Variants in FRK observed in about 807,000 individuals in gnomAD.
FRK encodes tyrosine-protein kinase FRK.
FRK carries 51 observed loss-of-function variants against 56.4 expected under a neutral mutation model. That is an observed-to-expected ratio of 0.90 (90% CI 0.72 to 1.14). The LOEUF (loss-of-function observed/expected upper bound fraction) is 1.14. Among genes scored for constraint, FRK ranks in the 50% most tolerant of loss-of-function variants. The pLI is 0.00. For synonymous variants in FRK, 245 were observed against 217.9 expected (o/e 1.12, Z -1.10); for missense variants, 570 against 601.4 (o/e 0.95, Z 0.55).
intron 7 of FRK, 91 bp from the exon 8 acceptor site, chr6:115,942,716 T>A: frequency 9.1e-7 from 1 of 1,102,978 alleles, no homozygotes; most frequent in Non-Finnish European, 1.3e-6. Context: ...TCTAGGTTAC[T>A]AAGTAAGTCA....
At chr6:116,018,760 A>ATACAAAGAG (rs1397967239) in intron 1 of FRK, among the ~76,000 whole-genome samples, 1 of 152,222 alleles carries the variant, frequency 6.6e-6, no homozygotes, top group Non-Finnish European at 1.5e-5. Flanking sequence ...TGATACAAAG[A>ATACAAAGAG]CATTTCCACC....
chr6:115,971,245 T>C (rs909075996), intron 2 of FRK, among the ~76,000 whole-genome samples: 2 of 152,204 alleles, frequency 1.3e-5, no homozygotes, highest in Non-Finnish European at 2.9e-5. Flanking sequence ...TACCTAATTT[T>C]CACCCTGGGT....
the FRK span, among the ~76,000 whole-genome samples, chr6:116,075,359 G>A: frequency 6.6e-6 from 1 of 151,516 alleles, no homozygotes; most frequent in South Asian, 2.1e-4. Flanking sequence ...TGAGTTAATA[G>A]GTATAAAAGG....
intron 5 of FRK, among the ~76,000 whole-genome samples, chr6:115,944,731 CTTTTA>C (rs1772355365): frequency 1.3e-5 from 2 of 151,894 alleles, no homozygotes; most frequent in Admixed American, 6.6e-5. Context: ...ATTTATTTAT[CTTTTA>C]TTTTAAGTTC....
At chr6:115,969,709 T>G (rs937498861) in intron 2 of FRK, among the ~76,000 whole-genome samples, 2 of 152,130 alleles carry the variant, frequency 1.3e-5, no homozygotes, top group Non-Finnish European at 2.9e-5. Context: ...GATGGGAGTT[T>G]GGAGCTATTG....
chr6:116,096,866 G>A, the FRK span, among the ~76,000 whole-genome samples: 1 of 152,192 alleles, frequency 6.6e-6, no homozygotes, highest in Non-Finnish European at 1.5e-5. Flanking sequence ...CCACCTTTAA[G>A]AGCTGTAACA....
At chr6:116,037,131 C>A (rs1324901356) in intron 1 of FRK, among the ~76,000 whole-genome samples, 2 of 152,170 alleles carry the variant, frequency 1.3e-5, no homozygotes, top group Non-Finnish European at 2.9e-5. Context: ...CTCTAATACC[C>A]TACAGAAGCC....
intron 2 of FRK, among the ~76,000 whole-genome samples, chr6:115,978,095 T>C (rs550302049): frequency 6.6e-6 from 1 of 152,308 alleles, no homozygotes; most frequent in East Asian, 1.9e-4. Context: ...CTTGGGACTC[T>C]AACTCCTCAC....
At chr6:116,083,697 C>T in the FRK span, among the ~76,000 whole-genome samples, 1 of 152,184 alleles carries the variant, frequency 6.6e-6, no homozygotes, top group Non-Finnish European at 1.5e-5. Context: ...GGTACTACTG[C>T]TAGGAACCAC....
At chr6:116,060,953 T>C (rs1325531372), upstream of FRK, among the ~76,000 whole-genome samples, 1 of 152,216 alleles carries the variant, frequency 6.6e-6, no homozygotes, top group East Asian at 1.9e-4. Flanking sequence ...TTCTGACCTC[T>C]TTACCCCTCC....
rs969547843 is a variant in FRK at position 115,973,922 on chromosome 6, C to T, written c.467-5183G>A. Among the ~76,000 whole-genome samples the T allele has an allele frequency of 3.4e-5, 5 of 149,238 alleles. No homozygotes were observed. The East Asian group carries it at 9.7e-4, about 29-fold the overall frequency. On this transcript the variant is annotated intron_variant, in intron 2 of 7. Transcript: ENST00000606080. ...AGTCAAAGACAGCTGTAAACAATAT[C>T]ATGTTAGTCCCAATTCATTTCTCCA...
At chr6:116,019,600 G>C (rs1775786387) in intron 1 of FRK, among the ~76,000 whole-genome samples, 1 of 152,212 alleles carries the variant, frequency 6.6e-6, no homozygotes, top group Non-Finnish European at 1.5e-5. Context: ...CTTGGGGATA[G>C]TCAGAGCAAG....
the FRK span, among the ~76,000 whole-genome samples, chr6:116,075,112 T>C: frequency 6.6e-6 from 1 of 152,148 alleles, no homozygotes; most frequent in Middle Eastern, 3.2e-3. Flanking sequence ...CTTGTTGAAC[T>C]CTTCTCTCCT....
In FRK at chr6:116,060,437, G is replaced by T; in HGVS notation, c.-126C>A. 2 of 702,658 alleles carry T rather than the reference G, an allele frequency of 2.8e-6. No homozygotes were observed. Among genetic ancestry groups the T allele is most frequent in the South Asian group, 3.7e-5 (2 of 53,734 alleles). The allele number at this position is 702,658 out of a possible 1,614,324, so 43.5% of individuals were successfully genotyped here. Reference sequence around the variant, plus strand: ...CAACTCACCATACTTCGGAGAGTATGCAAAGTCCCGTTTCAGATCAGTCCA... The same window carrying T: ...CAACTCACCATACTTCGGAGAGTATTCAAAGTCCCGTTTCAGATCAGTCCA... On this transcript the variant is annotated 5_prime_UTR_variant, in exon 1 of 8. Transcript: ENST00000606080.
intron 1 of FRK, among the ~76,000 whole-genome samples, chr6:116,024,769 G>A (rs2114745132): frequency 6.6e-6 from 1 of 152,150 alleles, no homozygotes; most frequent in East Asian, 1.9e-4. Flanking sequence ...ATAGTCCTTT[G>A]GGTATATACC....
intron 1 of FRK, among the ~76,000 whole-genome samples, chr6:116,050,199 C>T (rs73772214): frequency 7.9e-5 from 12 of 151,938 alleles, no homozygotes; most frequent in African/African-American, 2.4e-4. Context: ...CAACTTCAGA[C>T]GAGGCTACAC....
At chr6:115,996,046 C>T (rs1301342941) in intron 2 of FRK, among the ~76,000 whole-genome samples, 2 of 152,130 alleles carry the variant, frequency 1.3e-5, no homozygotes, top group East Asian at 3.8e-4. Context: ...CTTTCTGCAG[C>T]ATGTGCACTT....
the FRK span, among the ~76,000 whole-genome samples, chr6:116,094,341 G>A: frequency 1.3e-5 from 2 of 152,116 alleles, no homozygotes; most frequent in African/African-American, 4.8e-5. Context: ...AACCATTAAG[G>A]GCCAGAAAAT....
In FRK at chr6:115,940,807, T is replaced by A. The variant is rs1216373605; in HGVS notation, c.*1607A>T. 1.3e-5 allele frequency: 2 copies of A among 152,166 alleles called. No individual in the cohort carries two copies. The highest frequency in any genetic ancestry group is 2.9e-5 in the Non-Finnish European group (2 of 68,036). 9.4% of individuals were successfully genotyped at this position (152,166 alleles called of 1,614,324 possible). A position where few individuals can be genotyped will look rare whatever the true frequency, so the allele number is the denominator to read the frequency against. ...CATCTCACACCAGTTAGAATGGTGATCATTAAAAAGTCAGGAAACAACAGG... is the reference window on the plus strand; with the variant it reads ...CATCTCACACCAGTTAGAATGGTGAACATTAAAAAGTCAGGAAACAACAGG... On this transcript the variant is annotated 3_prime_UTR_variant, in exon 8 of 8. Transcript: ENST00000606080.
Sources: gnomAD v4.1 joint callset for allele counts (sites outside exome capture counted in the v4.1 genomes callset) on GRCh38, gnomAD v4.1.1 for gene constraint, MANE v1.5 for transcripts, NCBI Gene and HGNC (gene_info 2026-07-23, HGNC 2026-07-21) for gene names.